SH3RF2: variants seen among roughly 807,000 people sequenced by gnomAD.
SH3RF2 encodes E3 ubiquitin-protein ligase SH3RF2.
Under a neutral mutation model 59.0 loss-of-function variants are expected in SH3RF2, and 43 were observed. The observed-to-expected ratio is 0.73, with a 90% confidence interval of 0.57 to 0.94. The LOEUF (loss-of-function observed/expected upper bound fraction) is 0.94. Among genes scored for constraint, SH3RF2 ranks in the 40% least tolerant of loss-of-function variants. SH3RF2 has a pLI of 0.00. For missense variants in SH3RF2, 930 were observed against 940.1 expected (o/e 0.99, Z 0.14); for synonymous variants, 391 against 391.5 (o/e 1.00, Z 0.01).
rs148186712 is a variant in SH3RF2 at position 146,027,980 on chromosome 5, G to A, written c.1059+13919G>A. Among the ~76,000 whole-genome samples the A allele has an allele frequency of 2.3e-4, 35 of 152,276 alleles. No individual in the cohort carries two copies. The East Asian group carries it at 6.6e-3, about 29-fold the overall frequency. On this transcript the variant is annotated intron_variant, in intron 5 of 9. Coordinates refer to ENST00000359120, the MANE Select transcript of SH3RF2 (RefSeq NM_152550.4). ...TTGATTCAGCATTTCTCCAGCAAGA[G>A]GTTAAACTTTACATCATCGTTTTGC...
intron 2 of SH3RF2, among the ~76,000 whole-genome samples, chr5:145,998,886 G>C (rs1051984745): frequency 6.6e-6 from 1 of 152,086 alleles, no homozygotes. Context: ...ACTCCAGCCT[G>C]GCAACAGAGC....
rs529734621 is a variant in SH3RF2, at chr5:145,942,773, A to G, written c.378+4467A>G. ...TCCAGCTTCACACACATTTACAAAC[A>G]TTTTTAATAACCACATGGCCCCACA... On this transcript the variant is annotated intron_variant, in intron 2 of 9. Coordinates refer to ENST00000359120, the MANE Select transcript of SH3RF2 (RefSeq NM_152550.4). Among the ~76,000 whole-genome samples, 54 of 152,300 alleles carry G rather than the reference A, an allele frequency of 3.5e-4. 1 individual carries two copies. The South Asian group carries it at 9.5e-3, about 27-fold the overall frequency.
intron 5 of SH3RF2, among the ~76,000 whole-genome samples, chr5:146,027,391 T>C (rs1761566566): frequency 6.6e-6 from 1 of 152,202 alleles, no homozygotes; most frequent in South Asian, 2.1e-4. Context: ...CCAAAGCCCA[T>C]TGTGAATCCT....
intron 5 of SH3RF2, among the ~76,000 whole-genome samples, chr5:146,021,437 T>C (rs1033062913): frequency 6.6e-6 from 1 of 152,162 alleles, no homozygotes; most frequent in Non-Finnish European, 1.5e-5. Context: ...CACTGAGCAT[T>C]CCCAAAGAGT....
intron 5 of SH3RF2, among the ~76,000 whole-genome samples, chr5:146,018,238 T>G (rs930730816): frequency 6.6e-6 from 1 of 152,154 alleles, no homozygotes; most frequent in African/African-American, 2.4e-5. Flanking sequence ...TTTTCTTCCC[T>G]TAACCACCCT....
Position 146,062,547 on chromosome 5 carries a change from C to T in SH3RF2, c.2036C>T (p.Ala679Val), listed in dbSNP as rs1302324953. 5.6e-6 allele frequency: 9 copies of T among 1,614,182 alleles called. No homozygotes were observed. The highest frequency in any genetic ancestry group is 2.2e-5 in the East Asian group (1 of 44,870). Residue 679 changes from alanine to valine, a missense_variant, in exon 10 of 10, where the codon GCG becomes GTG. Ala to Val is a moderately conservative substitution (Grantham distance 64, BLOSUM62 0). Coordinates refer to ENST00000359120, the MANE Select transcript of SH3RF2 (RefSeq NM_152550.4). ...ATLKASQPEA[A>V]SLGPEMTVLF... ...CTCAAGGCGTCCCAGCCTGAAGCAG[C>T]GTCCTTGGGCCCAGAGATGACCGTC... is the stretch of plus-strand genomic sequence containing the variant.
chr5:145,943,157 G>GTAAC (rs541283532), intron 2 of SH3RF2, among the ~76,000 whole-genome samples: 71 of 151,652 alleles, frequency 4.7e-4, no homozygotes, highest in African/African-American at 1.6e-3. Flanking sequence ...TAACAAAAGA[G>GTAAC]TAACAATGGA....
At chr5:145,997,149 T>C (rs1169646532) in intron 2 of SH3RF2, 2 of 682,876 alleles carry the variant, frequency 2.9e-6, no homozygotes, top group Non-Finnish European at 5.3e-6. Flanking sequence ...TGAATGAGAC[T>C]TCCTGTTGCT....
chr5:146,009,406 T>G (rs977513876), intron 4 of SH3RF2, among the ~76,000 whole-genome samples: 4 of 152,168 alleles, frequency 2.6e-5, no homozygotes, highest in Admixed American at 6.5e-5. Context: ...TTCTTTCTTC[T>G]GTCTTTTTCT....
At position 146,022,874 on chromosome 5, in the gene SH3RF2, A is replaced by AACACAC. The variant is rs57377156; in HGVS notation, c.1059+8857_1059+8862dup. Among the ~76,000 whole-genome samples, 293 of 142,032 alleles carry AACACAC rather than the reference A, an allele frequency of 2.1e-3. 1 individual carries two copies. Among genetic ancestry groups the AACACAC allele is most frequent in the African/African-American group, 7.4e-3 (273 of 36,920 alleles). 93.2% of individuals were successfully genotyped at this position (142,032 alleles called of 152,430 possible). On this transcript the variant is annotated intron_variant, in intron 5 of 9. Coordinates refer to ENST00000359120, the MANE Select transcript of SH3RF2 (RefSeq NM_152550.4). The stretch of plus-strand genomic sequence containing the variant: ...GTGACACAGAGCAAGGCTCCATCTA[A>AACACAC]ACACACACACACACACACACACACA...
At chr5:145,977,991 A>G (rs997945541) in intron 2 of SH3RF2, among the ~76,000 whole-genome samples, 1 of 152,196 alleles carries the variant, frequency 6.6e-6, no homozygotes, top group Non-Finnish European at 1.5e-5. Flanking sequence ...TTGAAAGCAA[A>G]TCACTGACTC....
chr5:146,064,007 C>T (rs1762985544), downstream of SH3RF2, among the ~76,000 whole-genome samples: 1 of 152,270 alleles, frequency 6.6e-6, no homozygotes, highest in South Asian at 2.1e-4. Flanking sequence ...GGCAGATGAG[C>T]TATTTCACTC....
intron 2 of SH3RF2, among the ~76,000 whole-genome samples, chr5:145,992,184 C>A (rs1307499018): frequency 6.6e-6 from 1 of 152,036 alleles, no homozygotes; most frequent in Non-Finnish European, 1.5e-5. Flanking sequence ...CCAGCCTGAA[C>A]AACATGGTGA....
At chr5:146,034,669 T>C (rs17212260) in intron 5 of SH3RF2, among the ~76,000 whole-genome samples, 3 of 152,016 alleles carry the variant, frequency 2.0e-5, no homozygotes, top group African/African-American at 7.2e-5. Context: ...TTCCCAAGGA[T>C]ATCCAGTGAT....
chr5:146,024,315 C>A (rs1309810151), intron 5 of SH3RF2, among the ~76,000 whole-genome samples: 1 of 152,172 alleles, frequency 6.6e-6, no homozygotes, highest in Non-Finnish European at 1.5e-5. Context: ...TTTTGATTTG[C>A]ATTTCCCTCA....
rs568647468 is a variant in SH3RF2, at chr5:145,997,322, G to A, written c.379-2736G>A. On this transcript the variant is annotated intron_variant, in intron 2 of 9. Coordinates refer to ENST00000359120, the MANE Select transcript of SH3RF2 (RefSeq NM_152550.4). ...AAAAGCAGCTAGTGAAACCAGAGCA[G>A]CTCCCCGTATATACTGCACCACCGC... 7.2e-6 allele frequency: 8 copies of A among 1,110,866 alleles called. No individual in the cohort carries two copies. In the South Asian group the frequency reaches 7.4e-5, roughly 10 times the overall value. 68.8% of individuals were successfully genotyped at this position (1,110,866 alleles called of 1,614,324 possible).
Position 146,013,981 on chromosome 5 carries a change from G to C in SH3RF2, c.979G>C (p.Val327Leu). ...CCATATGGTAGAGATCAGCACCCCA[G>C]TGCTCATCAGCTCCAGCAACCCCTC... ...GRHMVEISTP[V>L]LISSSNPSVI... The change falls in exon 5 of 10, where the codon GTG (valine) becomes CTG (leucine). Residue 327 changes from valine to leucine, a missense_variant. Transcript: ENST00000359120. 6.2e-7 allele frequency: 1 copy of C among 1,614,128 alleles called. No individual in the cohort carries two copies. The highest frequency in any genetic ancestry group is 1.1e-5 in the South Asian group (1 of 91,082).
chr5:145,936,753 G>A (rs1435997240), intron 1 of SH3RF2, 59 bp downstream of exon 1: 1 of 152,356 alleles, frequency 6.6e-6, no homozygotes, highest in Non-Finnish European at 1.5e-5. Context: ...TTGGAGAGGA[G>A]GCTTAGGAAG....
At chr5:145,990,235 A>T (rs1396034115) in intron 2 of SH3RF2, among the ~76,000 whole-genome samples, 3 of 152,200 alleles carry the variant, frequency 2.0e-5, no homozygotes, top group African/African-American at 4.8e-5. Flanking sequence ...TTCTTTCAGG[A>T]AAGTGCGTCT....
Sources: allele counts gnomAD v4.1 joint callset (sites outside exome capture counted in the v4.1 genomes callset), GRCh38; gene constraint gnomAD v4.1.1; transcripts MANE v1.5; gene names NCBI Gene and HGNC (gene_info 2026-07-23, HGNC 2026-07-21).